The following GABARAPL1 variants were observed in gnomAD, a reference collection of about 807,000 sequenced individuals.
GABARAPL1 encodes GABA type A receptor associated protein like 1, also known as gamma-aminobutyric acid receptor-associated protein-like 1.
GABARAPL1 carries 4 observed loss-of-function variants against 14.5 expected under a neutral mutation model. The ratio of observed to expected loss-of-function variants is 0.28; its 90% confidence interval spans 0.14 to 0.63. The LOEUF (loss-of-function observed/expected upper bound fraction) is 0.63, where lower values mean the gene tolerates loss of function less well. GABARAPL1 is among the 30% of genes least tolerant of loss of function. The pLI is 0.84. For synonymous variants in GABARAPL1, 47 were observed against 50.6 expected, an observed-to-expected ratio of 0.93 and a Z score of 0.30; for missense variants, 82 against 139.2, an observed-to-expected ratio of 0.59 and a Z score of 2.07.
chr12:10,213,500 A>G (rs1039356576), intron 1 of GABARAPL1: 1 of 418,098 alleles, frequency 2.4e-6, no homozygotes, highest in Non-Finnish European at 4.5e-6. Context: ...ACACGGTCTC[A>G]GCAGCTGAGA....
intron 2 of GABARAPL1, 95 bp downstream of exon 2, chr12:10,218,236 A>G: frequency 7.4e-6 from 6 of 805,812 alleles, no homozygotes; most frequent in South Asian, 6.8e-5. Flanking sequence ...GAGGCAGTAC[A>G]TACTTGAAGG....
At chr12:10,218,937 G>A (rs1949105086) in intron 2 of GABARAPL1, among the ~76,000 whole-genome samples, 1 of 151,680 alleles carries the variant, frequency 6.6e-6, no homozygotes, top group South Asian at 2.1e-4. Context: ...GTCTTGAACT[G>A]CTGAACTCAG....
At position 10,221,938 on chromosome 12, in the gene GABARAPL1, T is replaced by G; in HGVS notation, c.*86T>G. On this transcript the variant is annotated 3_prime_UTR_variant, in exon 4 of 4. Transcript: ENST00000266458. ...GCGCGACATGGGGAAAGAGGGTGGC[T>G]CCCACCGCAAGGAGACAGAAGGTGA... is the stretch of plus-strand genomic sequence containing the variant. 8.3e-7 allele frequency: 1 copy of G among 1,197,640 alleles called. No individual in the cohort carries two copies. The highest frequency in any genetic ancestry group is 1.2e-6 in the Non-Finnish European group (1 of 811,396). 74.2% of individuals were successfully genotyped at this position (1,197,640 alleles called of 1,614,324 possible).
rs1949125393 is a variant in GABARAPL1, at chr12:10,222,569, C to CCTGT, written c.*720_*723dup. ...GGAATTGACAAGAGTGTTGAGCATCCCTGTCTAACCTGCTCTTTCTCTTTG... is the reference window on the plus strand; with the variant it reads ...GGAATTGACAAGAGTGTTGAGCATCCCTGTCTGTCTAACCTGCTCTTTCTCTTTG... On this transcript the variant is annotated 3_prime_UTR_variant, in exon 4 of 4. Coordinates refer to ENST00000266458, the MANE Select transcript of GABARAPL1 (RefSeq NM_031412.4). The CCTGT allele has an allele frequency of 6.6e-6, 1 of 152,242 alleles. No homozygotes were observed. Among genetic ancestry groups the CCTGT allele is most frequent in the Non-Finnish European group, 1.5e-5 (1 of 68,126 alleles). 9.4% of individuals were successfully genotyped at this position (152,242 alleles called of 1,614,324 possible).
rs532561817 is a variant in GABARAPL1 at position 10,220,991 on chromosome 12, A to C, written c.288+433A>C. The stretch of plus-strand genomic sequence containing the variant: ...AGATTGAGAAAGCACGTAATAGTAA[A>C]GCCAGCTCCTTCTAACTCTGAGGCC... On this transcript the variant is annotated intron_variant, in intron 3 of 3. Transcript: ENST00000266458. 5.7e-5 allele frequency: 56 copies of C among 985,404 alleles called. 1 individual carries two copies. In the African/African-American group the frequency reaches 9.6e-4, roughly 17 times the overall value. The allele number at this position is 985,404 out of a possible 1,614,324, so 61.0% of individuals were successfully genotyped here.
intron 1 of GABARAPL1, among the ~76,000 whole-genome samples, chr12:10,215,553 C>T (rs550571755): frequency 3.3e-5 from 5 of 152,170 alleles, no homozygotes; most frequent in African/African-American, 1.2e-4. Flanking sequence ...TTCCTGGAAA[C>T]TTAACCTTGG....
intron 3 of GABARAPL1, 64 bp downstream of exon 3, chr12:10,220,622 G>A: frequency 6.2e-7 from 1 of 1,610,440 alleles, no homozygotes; most frequent in African/African-American, 1.3e-5. Context: ...TCTAGCCCTT[G>A]TTCTAGATGC....
chr12:10,217,548 A>G (rs560960433), intron 1 of GABARAPL1, among the ~76,000 whole-genome samples: 1 of 152,158 alleles, frequency 6.6e-6, no homozygotes, highest in Non-Finnish European at 1.5e-5. Flanking sequence ...CCTGCCCAAC[A>G]TGGTGAAACC....
intron 1 of GABARAPL1, chr12:10,214,112 T>C: frequency 3.9e-6 from 1 of 256,216 alleles, no homozygotes; most frequent in Non-Finnish European, 8.2e-6. Flanking sequence ...ATGGCTTAAG[T>C]GGTAGGGGGA....
chr12:10,220,883 G>T, intron 3 of GABARAPL1: 1 of 1,404,734 alleles, frequency 7.1e-7, no homozygotes, highest in Non-Finnish European at 9.2e-7. Context: ...TCAGCCCATC[G>T]CAGTTCCTGC....
At chr12:10,214,971 T>C (rs1480660678) in intron 1 of GABARAPL1, among the ~76,000 whole-genome samples, 1 of 152,268 alleles carries the variant, frequency 6.6e-6, no homozygotes. Flanking sequence ...GTTTTACTCC[T>C]GTGATAATTT....
chr12:10,219,531 G>C (rs574501538), intron 2 of GABARAPL1, among the ~76,000 whole-genome samples: 1 of 152,222 alleles, frequency 6.6e-6, no homozygotes, highest in East Asian at 1.9e-4. Context: ...GTTGGGTGTG[G>C]TGGCTCATGC....
chr12:10,215,235 G>A (rs932214037), intron 1 of GABARAPL1, among the ~76,000 whole-genome samples: 4 of 152,124 alleles, frequency 2.6e-5, no homozygotes, highest in African/African-American at 9.7e-5. Context: ...TTGACCATTG[G>A]TGTTATTAAA....
At position 10,220,453 on chromosome 12, in the gene GABARAPL1, C is replaced by T; in HGVS notation, c.183C>T (p.Tyr61=). 1 of 1,612,540 alleles carries T rather than the reference C, an allele frequency of 6.2e-7. No individual in the cohort carries two copies. Among genetic ancestry groups the T allele is most frequent in the Non-Finnish European group, 8.5e-7 (1 of 1,179,846 alleles). ...VPSDLTVGQF[Y]FLIRKRIHLR... ...TCCATCATCCAGTTGGCCAGTTCTA[C>T]TTCTTAATCCGGAAGAGAATCCACC... Residue 61 remains tyrosine (Y), a synonymous_variant, in exon 3 of 4, where the codon TAC becomes TAT. Transcript: ENST00000266458.
chr12:10,213,772 A>G (rs1949072082), intron 1 of GABARAPL1: 1 of 450,402 alleles, frequency 2.2e-6, no homozygotes, highest in Non-Finnish European at 4.5e-6. Flanking sequence ...AGCACAAGAC[A>G]GTCCTGGCCT....
At chr12:10,220,351 G>A in intron 2 of GABARAPL1, 89 bp from the exon 3 acceptor site, 1 of 1,572,494 alleles carries the variant, frequency 6.4e-7, no homozygotes, top group Non-Finnish European at 8.6e-7. Flanking sequence ...GTGAAAAAAT[G>A]CAATTGAATT....
In GABARAPL1 at chr12:10,213,265, G is replaced by A. The variant is rs931434082; in HGVS notation, c.90+46G>A. 7.4e-6 allele frequency: 9 copies of A among 1,219,240 alleles called. No homozygotes were observed. The African/African-American group carries it at 1.2e-4, about 16-fold the overall frequency. 75.5% of individuals were successfully genotyped at this position (1,219,240 alleles called of 1,614,324 possible). ...GGGATGGGAGGGGAAGGGCCCGCGGGGGCGGGGGCGGGTAGTCGAGATGGC... is the reference window on the plus strand; with the variant it reads ...GGGATGGGAGGGGAAGGGCCCGCGGAGGCGGGGGCGGGTAGTCGAGATGGC... On this transcript the variant is annotated intron_variant, in intron 1 of 3. Coordinates refer to ENST00000266458, the MANE Select transcript of GABARAPL1 (RefSeq NM_031412.4).
rs769039978 is a variant in GABARAPL1 at position 10,218,100 on chromosome 12, A to G, written c.128A>G (p.Asp43Gly). ...VEKAPKARVP[D>G]LDKRKYLVPS... ...AAGGCTCCAAAAGCCAGGGTGCCTG[A>G]TCTGGACAAGAGGAAGTACCTAGTG... The change falls in exon 2 of 4, where the codon GAT (aspartate) becomes GGT (glycine). Residue 43 changes from aspartate (D) to glycine (G), a missense_variant. By Grantham distance (94) the Asp-to-Gly change is moderately conservative. Transcript: ENST00000266458. The G allele has an allele frequency of 6.2e-7, 1 of 1,611,374 alleles. No homozygotes were observed. Among genetic ancestry groups the G allele is most frequent in the African/African-American group, 1.3e-5 (1 of 74,830 alleles).
At chr12:10,216,389 G>A (rs1949089226) in intron 1 of GABARAPL1, among the ~76,000 whole-genome samples, 1 of 151,500 alleles carries the variant, frequency 6.6e-6, no homozygotes, top group Admixed American at 6.6e-5. Context: ...AAAGTTACTG[G>A]AATACTGAAG....
Sources: allele counts gnomAD v4.1 joint callset (sites outside exome capture counted in the v4.1 genomes callset), GRCh38; gene constraint gnomAD v4.1.1; transcripts MANE v1.5; gene names NCBI Gene and HGNC (gene_info 2026-07-23, HGNC 2026-07-21).